Variants in ARHGAP17 observed in about 807,000 individuals in gnomAD.
The protein encoded by ARHGAP17 is Rho GTPase activating protein 17, also known as rho GTPase-activating protein 17.
Under a neutral mutation model 99.5 loss-of-function variants are expected in ARHGAP17, and 57 were observed. The ratio of observed to expected loss-of-function variants is 0.57; its 90% CI spans 0.46 to 0.71. ARHGAP17 has a LOEUF of 0.71. Ranked by LOEUF, ARHGAP17 falls within the 30% of genes least tolerant of loss-of-function variation. ARHGAP17 has a pLI of 0.00. For missense variants in ARHGAP17, 1,000 were observed against 1,122.4 expected (o/e 0.89, Z 1.56); for synonymous variants, 417 against 429.6 (o/e 0.97, Z 0.36).
At position 24,929,730 on chromosome 16, in the gene ARHGAP17, A is replaced by G. The variant is rs545708835; in HGVS notation, c.2515+1054T>C. On this transcript the variant is annotated intron_variant, in intron 19 of 19. Transcript: ENST00000289968. ...TCAAAATAAAAGCTCTGATGGCATC[A>G]GAAAAAAAGTTATTAACCATTTATA... The G allele has an allele frequency of 2.7e-5, 24 of 886,214 alleles. No individual in the cohort carries two copies. The African/African-American group carries it at 4.3e-4, about 16-fold the overall frequency. The allele number at this position is 886,214 out of a possible 1,614,324, so 54.9% of individuals were successfully genotyped here.
chr16:24,953,906 G>T (rs2141243225), intron 10 of ARHGAP17, among the ~76,000 whole-genome samples: 1 of 152,292 alleles, frequency 6.6e-6, no homozygotes, highest in East Asian at 1.9e-4. Context: ...AACACAAGGA[G>T]GGCTTCCGGG....
At chr16:24,986,510 A>C (rs1462123014) in intron 1 of ARHGAP17, among the ~76,000 whole-genome samples, 1 of 152,248 alleles carries the variant, frequency 6.6e-6, no homozygotes, top group Admixed American at 6.5e-5. Flanking sequence ...ATTTGGTAAC[A>C]CATGAAAATT....
intron 1 of ARHGAP17, among the ~76,000 whole-genome samples, chr16:25,012,069 G>T (rs2053657360): frequency 6.6e-6 from 1 of 152,096 alleles, no homozygotes. Flanking sequence ...CAGAAACCAT[G>T]CCCGTATTCA....
intron 9 of ARHGAP17, 93 bp from the exon 10 acceptor site, chr16:24,954,823 G>A (rs2051758886): frequency 1.0e-5 from 16 of 1,524,666 alleles, no homozygotes; most frequent in African/African-American, 4.1e-5. Context: ...TTTTCTAGCC[G>A]ACTGGTAGGT....
At chr16:24,953,135 C>T in intron 10 of ARHGAP17, 93 bp from the exon 11 acceptor site, 3 of 1,130,082 alleles carry the variant, frequency 2.7e-6, no homozygotes, top group South Asian at 1.4e-5. Flanking sequence ...CTGACTTCCG[C>T]TCACCTCCTG....
chr16:24,941,953 A>C, intron 16 of ARHGAP17, 34 bp downstream of exon 16: 1 of 1,613,508 alleles, frequency 6.2e-7, no homozygotes, highest in Non-Finnish European at 8.5e-7. Flanking sequence ...CAACATATTT[A>C]CTGCTGGTTT....
In ARHGAP17 at chr16:24,935,472, C is replaced by A. The variant is rs200789627; in HGVS notation, c.1892G>T (p.Arg631Leu). Reference sequence around the variant, plus strand: ...CAAGGAGGACGGTGGCTGCTTACCTCGGCGCAGTGTATGCGGGCTGGGCCC... The same window carrying A: ...CAAGGAGGACGGTGGCTGCTTACCTAGGCGCAGTGTATGCGGGCTGGGCCC... ...AAGPSPHTLR[R>L]AVKKPAPAPP... Residue 631 changes from arginine (R) to leucine (L), a missense_variant and splice_region_variant, in exon 18 of 20, where the codon CGA becomes CTA. Physicochemically the swap from Arg to Leu is moderately radical, Grantham distance 102. This residue lies in a region of ARHGAP17 where 528 missense variants were observed against 511.4 expected (regional missense o/e 1.03). Coordinates refer to ENST00000289968, the MANE Select transcript of ARHGAP17 (RefSeq NM_001006634.3). The A allele has an allele frequency of 1.3e-6, 2 of 1,590,944 alleles. No homozygotes were observed. The highest frequency in any genetic ancestry group is 2.3e-5 in the East Asian group (1 of 44,330).
At chr16:24,998,936 G>C (rs1597480224) in intron 1 of ARHGAP17, among the ~76,000 whole-genome samples, 1 of 152,210 alleles carries the variant, frequency 6.6e-6, no homozygotes, top group South Asian at 2.1e-4. Flanking sequence ...AGGAGAGACC[G>C]CGGGCAGAGG....
intron 19 of ARHGAP17, among the ~76,000 whole-genome samples, chr16:24,926,287 G>A (rs1293147028): frequency 1.3e-5 from 2 of 151,910 alleles, no homozygotes; most frequent in African/African-American, 4.8e-5. Flanking sequence ...TTGAGACAGA[G>A]TCTCACTCTG....
At chr16:24,939,254 A>T in intron 17 of ARHGAP17, 110 bp downstream of exon 17, 1 of 965,258 alleles carries the variant, frequency 1.0e-6, no homozygotes, top group Non-Finnish European at 1.5e-6. Flanking sequence ...AAATCTGTTC[A>T]CTCCATGCTG....
At position 24,955,944 on chromosome 16, in the gene ARHGAP17, C is replaced by T. The variant is rs2141250999; in HGVS notation, c.725-1214G>A. The T allele has an allele frequency of 6.6e-6, 1 of 152,444 alleles. No individual in the cohort carries two copies. Among genetic ancestry groups the T allele is most frequent in the South Asian group, 2.1e-4 (1 of 4,822 alleles). The allele number at this position is 152,444 out of a possible 1,614,324, so 9.4% of individuals were successfully genotyped here. On this transcript the variant is annotated intron_variant, in intron 9 of 19. Coordinates refer to ENST00000289968, the MANE Select transcript of ARHGAP17 (RefSeq NM_001006634.3). This position sits in a 1 kb window ranked among gnomAD's most constrained non-coding sequence, Gnocchi z 4.0. ...AAAATGAGGTGCAGGCCACCAGCCA[C>T]TCTCAGAATTGTGGGGAGCCCTCCT...
intron 3 of ARHGAP17, among the ~76,000 whole-genome samples, chr16:24,976,665 T>C (rs1285804675): frequency 6.6e-6 from 1 of 152,052 alleles, no homozygotes; most frequent in Non-Finnish European, 1.5e-5. Flanking sequence ...GGCTCTCTAC[T>C]CCCACTGGCC....
intron 13 of ARHGAP17, 87 bp from the exon 14 acceptor site, chr16:24,947,682 T>A: frequency 9.2e-7 from 1 of 1,086,824 alleles, no homozygotes; most frequent in Non-Finnish European, 1.4e-6. Flanking sequence ...AATCCCAGTT[T>A]GCTCAGGTGC....
chr16:24,976,391 A>T (rs1284462699), intron 3 of ARHGAP17, among the ~76,000 whole-genome samples: 1 of 152,084 alleles, frequency 6.6e-6, no homozygotes, highest in African/African-American at 2.4e-5. Flanking sequence ...TTAGCCAGGC[A>T]TGGTGGTGTG....
intron 19 of ARHGAP17, chr16:24,927,662 C>A: frequency 8.5e-7 from 1 of 1,169,662 alleles, no homozygotes; most frequent in Non-Finnish European, 1.1e-6. Flanking sequence ...ATGCATTGGC[C>A]AATCAGGTGC....
intron 1 of ARHGAP17, among the ~76,000 whole-genome samples, chr16:25,009,818 T>C (rs2053597610): frequency 6.6e-6 from 1 of 152,014 alleles, no homozygotes; most frequent in African/African-American, 2.4e-5. Context: ...AAATCAGAAA[T>C]AAGTAACATC....
rs748459495 is a variant in ARHGAP17, at chr16:24,970,489, G to A, written c.272+18C>T. On this transcript the variant is annotated intron_variant, in intron 4 of 19. Transcript: ENST00000289968. ...CAATCTACATGGCACTTGGCACTCT[G>A]AAGGCAGCAACTCTTACCCCAGGAG... 14 of 1,613,134 alleles carry A rather than the reference G, an allele frequency of 8.7e-6. No individual in the cohort carries two copies. The Admixed American group carries it at 1.5e-4, about 17-fold the overall frequency.
chr16:24,984,345 G>A (rs555067376), intron 1 of ARHGAP17, among the ~76,000 whole-genome samples: 1 of 152,250 alleles, frequency 6.6e-6, no homozygotes, highest in African/African-American at 2.4e-5. Context: ...CCTCCCCAGC[G>A]GCAAGCTCAG....
At chr16:25,002,646 GGCCATGGAT>G (rs2053394178) in intron 1 of ARHGAP17, among the ~76,000 whole-genome samples, 1 of 152,210 alleles carries the variant, frequency 6.6e-6, no homozygotes, top group South Asian at 2.1e-4. Flanking sequence ...TGGTGCTCCA[GGCCATGGAT>G]GGCCTGTATT....
Sources: gnomAD v4.1 joint callset for allele counts (sites outside exome capture counted in the v4.1 genomes callset) on GRCh38, gnomAD v4.1.1 for gene constraint, gnomAD v4.1.1 regional missense constraint, Gnocchi (gnomAD v3.1) non-coding constraint, MANE v1.5 for transcripts, NCBI Gene and HGNC (gene_info 2026-07-23, HGNC 2026-07-21) for gene names.